TMEM163: variants seen among roughly 807,000 people sequenced by gnomAD.
TMEM163 encodes transmembrane protein 163.
In TMEM163, 17 loss-of-function variants were observed where a neutral mutation model predicts 29.3. The observed-to-expected ratio is 0.58, with a 90% CI of 0.40 to 0.87. TMEM163 has a LOEUF of 0.87. Among genes scored for constraint, TMEM163 ranks in the 40% least tolerant of loss-of-function variants. The pLI, the probability that TMEM163 is intolerant of heterozygous loss-of-function variation, is 0.00. For missense variants in TMEM163, 303 were observed against 381.5 expected (o/e 0.79, Z 1.71); for synonymous variants, 157 against 160.6 (o/e 0.98, Z 0.17).
intron 2 of TMEM163, among the ~76,000 whole-genome samples, chr2:134,560,517 G>A (rs1217975334): frequency 6.6e-6 from 1 of 152,186 alleles, no homozygotes; most frequent in African/African-American, 2.4e-5. Flanking sequence ...GCCCTTCCCT[G>A]AGCAAATGAA....
chr2:134,531,971 T>C (rs1176951984), intron 4 of TMEM163, among the ~76,000 whole-genome samples: 1 of 152,194 alleles, frequency 6.6e-6, no homozygotes, highest in African/African-American at 2.4e-5. Context: ...AGTGAACTCA[T>C]TAGCATTCAC....
chr2:134,558,394 C>T (rs939027349), intron 2 of TMEM163, among the ~76,000 whole-genome samples: 1 of 152,176 alleles, frequency 6.6e-6, no homozygotes, highest in African/African-American at 2.4e-5. Flanking sequence ...GAAGCACACA[C>T]ACAACAGAAG....
intron 2 of TMEM163, among the ~76,000 whole-genome samples, chr2:134,585,934 C>T (rs1206774432): frequency 1.3e-5 from 2 of 152,094 alleles, no homozygotes; most frequent in African/African-American, 4.8e-5. Context: ...GTATAAATGC[C>T]TTATAGTATA....
intron 6 of TMEM163, among the ~76,000 whole-genome samples, chr2:134,461,438 G>A (rs191512558): frequency 9.2e-5 from 14 of 152,314 alleles, no homozygotes; most frequent in African/African-American, 3.4e-4. Context: ...GTTCCTGTAG[G>A]ACTGAAGCTG....
intron 2 of TMEM163, among the ~76,000 whole-genome samples, chr2:134,623,990 G>T (rs1425055506): frequency 6.6e-6 from 1 of 152,198 alleles, no homozygotes; most frequent in Non-Finnish European, 1.5e-5. Context: ...CACCAGTGAA[G>T]CCACAGAAAC....
At chr2:134,518,024 CTAT>C (rs1680113122) in intron 4 of TMEM163, among the ~76,000 whole-genome samples, 1 of 152,036 alleles carries the variant, frequency 6.6e-6, no homozygotes, top group Non-Finnish European at 1.5e-5. Context: ...ATACACTCTA[CTAT>C]TTTGAAAGGC....
chr2:134,614,110 C>T (rs1682560597), intron 2 of TMEM163, among the ~76,000 whole-genome samples: 1 of 152,090 alleles, frequency 6.6e-6, no homozygotes, highest in Non-Finnish European at 1.5e-5. Flanking sequence ...CAATATAATA[C>T]TGGCAAGAAG....
intron 4 of TMEM163, among the ~76,000 whole-genome samples, chr2:134,530,959 T>A (rs1311173537): frequency 2.0e-5 from 3 of 152,190 alleles, no homozygotes; most frequent in Non-Finnish European, 4.4e-5. Flanking sequence ...AACTGACATA[T>A]CCTTTTCTAC....
chr2:134,661,033 C>T (rs1211567801), intron 2 of TMEM163, among the ~76,000 whole-genome samples: 1 of 152,184 alleles, frequency 6.6e-6, no homozygotes, highest in Non-Finnish European at 1.5e-5. Flanking sequence ...GATGCTGTCA[C>T]TGCAGGATTA....
chr2:134,588,848 G>A lies in TMEM163; in HGVS notation c.323-36757C>T, dbSNP rs114335449. Among the ~76,000 whole-genome samples, 120 of 152,196 alleles carry A rather than the reference G, an allele frequency of 7.9e-4. 1 individual carries two copies. The highest frequency in any genetic ancestry group is 2.3e-3 in the African/African-American group (96 of 41,470). On this transcript the variant is annotated intron_variant, in intron 2 of 7. Coordinates refer to ENST00000281924, the MANE Select transcript of TMEM163 (RefSeq NM_030923.5). ...GGCAAGTAAACAGGCAAAACGTTGG[G>A]GGGGGAAGAGGCCATTCGGTGGGGA...
intron 2 of TMEM163, among the ~76,000 whole-genome samples, chr2:134,698,683 C>G (rs1340571215): frequency 6.6e-6 from 1 of 151,944 alleles, no homozygotes; most frequent in Non-Finnish European, 1.5e-5. Flanking sequence ...TCATTGTAAG[C>G]TCTAAATATT....
intron 5 of TMEM163, among the ~76,000 whole-genome samples, chr2:134,499,876 C>CA (rs1162129586): frequency 2.0e-5 from 3 of 152,326 alleles, no homozygotes; most frequent in African/African-American, 7.2e-5. Context: ...ATCCTACCCT[C>CA]ACAGCCTGGT....
Position 134,670,733 on chromosome 2 carries a change from A to G in TMEM163, c.322+42467T>C, listed in dbSNP as rs57677159. The stretch of plus-strand genomic sequence containing the variant: ...CAGAGCTTCGATTTCAGAAAACCAA[A>G]GACTTGGCCTTTTAACTGAGTTTGG... On this transcript the variant is annotated intron_variant, in intron 2 of 7. Coordinates refer to ENST00000281924, the MANE Select transcript of TMEM163 (RefSeq NM_030923.5). Among the ~76,000 whole-genome samples the G allele has an allele frequency of 7.4e-3, 1,122 of 152,324 alleles. 19 individuals are homozygous for G. The highest frequency in any genetic ancestry group is 0.026 in the African/African-American group (1,087 of 41,572).
chr2:134,511,347 C>T (rs1335604394), intron 4 of TMEM163, among the ~76,000 whole-genome samples: 1 of 152,162 alleles, frequency 6.6e-6, no homozygotes, highest in Non-Finnish European at 1.5e-5. Flanking sequence ...GCAACGAGGC[C>T]AACGTGGCTG....
At chr2:134,532,126 AC>A (rs1680429601) in intron 4 of TMEM163, among the ~76,000 whole-genome samples, 1 of 152,268 alleles carries the variant, frequency 6.6e-6, no homozygotes, top group Non-Finnish European at 1.5e-5. Context: ...TGCATTCAGC[AC>A]GAGACCATAA....
intron 2 of TMEM163, among the ~76,000 whole-genome samples, chr2:134,641,990 A>T (rs1431517302): frequency 1.3e-5 from 2 of 152,228 alleles, no homozygotes; most frequent in Non-Finnish European, 2.9e-5. Flanking sequence ...ATACAGAGAG[A>T]CATTACATAA....
At chr2:134,519,538 C>T (rs751665622) in intron 4 of TMEM163, among the ~76,000 whole-genome samples, 10 of 152,018 alleles carry the variant, frequency 6.6e-5, no homozygotes, top group Non-Finnish European at 1.2e-4. Flanking sequence ...AGTGAAACCC[C>T]GTCTCTACCA....
chr2:134,683,306 G>A lies in TMEM163; in HGVS notation c.322+29894C>T, dbSNP rs559023800. Among the ~76,000 whole-genome samples, 3 of 152,144 alleles carry A rather than the reference G, an allele frequency of 2.0e-5. No individual in the cohort carries two copies. The South Asian group carries it at 6.2e-4, about 32-fold the overall frequency. On this transcript the variant is annotated intron_variant, in intron 2 of 7. Transcript: ENST00000281924. ...AGTGTAACAAATGCACCACTCTGGT[G>A]GGATCTATTGATAACGGGGGGAAGC...
intron 6 of TMEM163, among the ~76,000 whole-genome samples, chr2:134,459,731 C>T (rs1686490909): frequency 6.6e-6 from 1 of 151,856 alleles, no homozygotes; most frequent in Non-Finnish European, 1.5e-5. Context: ...GGGGTCAATC[C>T]CTAGCCCCAC....
Sources: allele counts gnomAD v4.1 joint callset (sites outside exome capture counted in the v4.1 genomes callset), GRCh38; gene constraint gnomAD v4.1.1; transcripts MANE v1.5; gene names NCBI Gene and HGNC (gene_info 2026-07-23, HGNC 2026-07-21).